The following GALNS variants were observed in gnomAD, a reference collection of about 807,000 sequenced individuals.
GALNS encodes N-acetylgalactosamine-6-sulfatase.
GALNS carries 65 observed loss-of-function variants against 65.9 expected under a neutral mutation model. The observed-to-expected ratio is 0.99, with a 90% CI of 0.81 to 1.21. The LOEUF (loss-of-function observed/expected upper bound fraction) is 1.21. GALNS is among the 50% of genes most tolerant of loss of function. The probability of loss-of-function intolerance (pLI) is 0.00; values close to 1 mark genes in which losing one functional copy is unlikely to be tolerated. For missense variants in GALNS, 776 were observed against 700.7 expected (o/e 1.11, Z -1.21); for synonymous variants, 346 against 288.9 (o/e 1.20, Z -2.00).
chr16:88,833,996 A>G (rs1017039783), intron 8 of GALNS, among the ~76,000 whole-genome samples: 1 of 151,806 alleles, frequency 6.6e-6, no homozygotes, highest in Non-Finnish European at 1.5e-5. Context: ...CCCCATGGGG[A>G]ATGACGGCCA....
rs997674482 is a variant in GALNS, at chr16:88,814,065, C to T, written c.*374G>A. 4 of 377,066 alleles carry T rather than the reference C, an allele frequency of 1.1e-5. No homozygotes were observed. The highest frequency in any genetic ancestry group is 2.0e-5 in the Non-Finnish European group (4 of 196,522). 23.4% of individuals were successfully genotyped at this position (377,066 alleles called of 1,614,324 possible). On this transcript the variant is annotated 3_prime_UTR_variant, in exon 14 of 14. Transcript: ENST00000268695. The stretch of plus-strand genomic sequence containing the variant: ...GTATAAAGGCAAACTGTATCCCCAG[C>T]CACCTCAGGCACCTGTTGTCAGGAC...
Position 88,837,676 on chromosome 16 carries a change from T to C in GALNS, c.512A>G (p.Asp171Gly). The C allele has an allele frequency of 6.2e-7, 1 of 1,613,958 alleles. No homozygotes were observed. The highest frequency in any genetic ancestry group is 8.5e-7 in the Non-Finnish European group (1 of 1,179,986). The change falls in exon 5 of 14, where the codon GAC becomes GGC. Residue 171 changes from aspartate (D) to glycine (G), a missense_variant. Asp to Gly is a moderately conservative substitution (Grantham distance 94). Coordinates refer to ENST00000268695, the MANE Select transcript of GALNS (RefSeq NM_000512.5). The part of the protein sequence containing the change: ...GSPNCHFGPY[D>G]NKARPNIPVY... ...AGGGATGTTGGGCCTGGCCTTGTTG[T>C]CATAAGGTCCAAAGTGGCAGTTGGG...
rs748579195 is a variant in GALNS at position 88,836,225 on chromosome 16, G to A, written c.609C>T (p.Ala203=). ...EFPINLKTGE[A]NLTQIYLQEA... The stretch of plus-strand genomic sequence containing the variant: ...CCTGCAGGTAGATCTGGGTGAGGTT[G>A]GCTTCCCCCGTCTTCAGATTAATAG... Residue 203 remains alanine, a synonymous_variant, in exon 6 of 14, where the codon GCC becomes GCT. Coordinates refer to ENST00000268695, the MANE Select transcript of GALNS (RefSeq NM_000512.5). The A allele has an allele frequency of 9.3e-6, 15 of 1,613,558 alleles. No individual in the cohort carries two copies. Among genetic ancestry groups the A allele is most frequent in the Non-Finnish European group, 1.3e-5 (15 of 1,179,850 alleles).
rs7187565 is a variant in GALNS, at chr16:88,835,005, C to T, written c.898+208G>A. Among the ~76,000 whole-genome samples, 4,057 of 152,290 alleles carry T rather than the reference C, an allele frequency of 0.027. 175 individuals are homozygous for T. Among genetic ancestry groups the T allele is most frequent in the African/African-American group, 0.093 (3,869 of 41,522 alleles). ...TCCCCTGTGTCACCTCCTCCCCACC[C>T]CCAAGTTCAAGGTCACTCCTGCTTC... On this transcript the variant is annotated intron_variant, in intron 8 of 13. Coordinates refer to ENST00000268695, the MANE Select transcript of GALNS (RefSeq NM_000512.5).
intron 9 of GALNS, among the ~76,000 whole-genome samples, chr16:88,829,853 C>G (rs1269566373): frequency 6.6e-6 from 1 of 152,364 alleles, no homozygotes; most frequent in East Asian, 1.9e-4. Context: ...AGACACAACG[C>G]AGGCCGCTCA....
intron 2 of GALNS, 78 bp downstream of exon 2, chr16:88,842,628 G>T: frequency 6.4e-7 from 1 of 1,553,842 alleles, no homozygotes; most frequent in Non-Finnish European, 8.8e-7. Flanking sequence ...GCCGCCCAGA[G>T]TCAGGGCTGG....
chr16:88,850,004 CCT>C (rs1967432467), intron 1 of GALNS, among the ~76,000 whole-genome samples: 1 of 152,212 alleles, frequency 6.6e-6, no homozygotes, highest in Admixed American at 6.5e-5. Flanking sequence ...GGTACAGCTC[CCT>C]GAGGCCAGCC....
intron 12 of GALNS, among the ~76,000 whole-genome samples, chr16:88,819,851 G>A (rs1042337233): frequency 7.3e-5 from 11 of 151,508 alleles, no homozygotes; most frequent in Non-Finnish European, 1.2e-4. Context: ...CCGCCACCAC[G>A]CCTGGCTAAT....
At chr16:88,830,245 A>C (rs1911354286) in intron 9 of GALNS, among the ~76,000 whole-genome samples, 1 of 150,680 alleles carries the variant, frequency 6.6e-6, no homozygotes, top group Non-Finnish European at 1.5e-5. Context: ...AAAAAAAAAA[A>C]AAAAAAAAAA....
chr16:88,843,456 C>T (rs866271336), intron 1 of GALNS: 2 of 347,368 alleles, frequency 5.8e-6, no homozygotes, highest in South Asian at 2.2e-5. Context: ...CGACAAAGTG[C>T]GGCCGGCGTG....
intron 8 of GALNS, among the ~76,000 whole-genome samples, chr16:88,833,780 C>CTCTGGGA (rs1307224439): frequency 6.6e-6 from 1 of 152,210 alleles, no homozygotes; most frequent in Non-Finnish European, 1.5e-5. Flanking sequence ...CTGGGATGTT[C>CTCTGGGA]TGTTTCTAGT....
At chr16:88,826,246 G>C (rs1281102228) in intron 10 of GALNS, among the ~76,000 whole-genome samples, 1 of 149,104 alleles carries the variant, frequency 6.7e-6, no homozygotes, top group East Asian at 2.0e-4. Flanking sequence ...GGGTGGGGCA[G>C]GCAGGGGTGG....
At chr16:88,839,384 G>A (rs1032089134) in intron 4 of GALNS, among the ~76,000 whole-genome samples, 11 of 152,234 alleles carry the variant, frequency 7.2e-5, no homozygotes, top group African/African-American at 1.4e-4. Flanking sequence ...TGGGCAGGAC[G>A]CTACACAAAT....
chr16:88,827,140 C>T (rs1911015039), intron 9 of GALNS: 6 of 524,426 alleles, frequency 1.1e-5, no homozygotes, highest in Admixed American at 6.4e-5. Flanking sequence ...CCCTCCAGGC[C>T]CACCTGTCCG....
At chr16:88,826,369 A>G (rs1271632562) in intron 10 of GALNS, among the ~76,000 whole-genome samples, 9 of 131,864 alleles carry the variant, frequency 6.8e-5, no homozygotes, top group African/African-American at 2.6e-4. Flanking sequence ...GTGTCTGGGT[A>G]CAGGCAGGGA....
chr16:88,849,848 CAG>C (rs1240242154), intron 1 of GALNS, among the ~76,000 whole-genome samples: 2 of 152,242 alleles, frequency 1.3e-5, no homozygotes, highest in Non-Finnish European at 1.5e-5. Context: ...GGTGGGAGGA[CAG>C]GGGGCAGGAC....
intron 8 of GALNS, among the ~76,000 whole-genome samples, chr16:88,832,699 C>T (rs1410485908): frequency 6.6e-6 from 1 of 152,224 alleles, no homozygotes; most frequent in Non-Finnish European, 1.5e-5. Flanking sequence ...ACAAAAGCCA[C>T]CCCTGCTGCT....
chr16:88,819,446 T>C (rs1041109146), intron 12 of GALNS, among the ~76,000 whole-genome samples: 2 of 152,262 alleles, frequency 1.3e-5, no homozygotes, highest in Non-Finnish European at 2.9e-5. Context: ...GGCCAAATAC[T>C]GCTGGTTGAG....
chr16:88,842,485 C>T (rs183175572), intron 2 of GALNS: 19 of 612,408 alleles, frequency 3.1e-5, no homozygotes, highest in Admixed American at 1.5e-4. Context: ...CCAACAATAC[C>T]GCAACTTCGA....
Sources: allele counts gnomAD v4.1 joint callset (sites outside exome capture counted in the v4.1 genomes callset), GRCh38; gene constraint gnomAD v4.1.1; transcripts MANE v1.5; gene names NCBI Gene and HGNC (gene_info 2026-07-23, HGNC 2026-07-21).